Variants in BARD1 observed in about 807,000 individuals in gnomAD.
BARD1 encodes BRCA1-associated RING domain protein 1.
BARD1 carries 73 observed loss-of-function variants against 77.0 expected under a neutral mutation model. That is an observed-to-expected ratio of 0.95 (90% confidence interval 0.79 to 1.15). The LOEUF (loss-of-function observed/expected upper bound fraction) is 1.15, where lower values mean the gene tolerates loss of function less well. Among genes scored for constraint, BARD1 ranks in the 50% most tolerant of loss-of-function variants. BARD1 has a pLI of 0.00. For missense variants in BARD1, 993 were observed against 938.8 expected, an observed-to-expected ratio of 1.06 and a Z score of -0.75; for synonymous variants, 384 against 338.0, an observed-to-expected ratio of 1.14 and a Z score of -1.49.
chr2:214,788,205 C>A (rs1383742193), intron 3 of BARD1, among the ~76,000 whole-genome samples: 2 of 151,382 alleles, frequency 1.3e-5, no homozygotes, highest in Non-Finnish European at 2.9e-5. Flanking sequence ...TTAATGTCAC[C>A]AACACCGACA....
chr2:214,751,199 C>T (rs1693435340), intron 7 of BARD1, among the ~76,000 whole-genome samples: 1 of 104,304 alleles, frequency 9.6e-6, no homozygotes, highest in Non-Finnish European at 1.9e-5. Flanking sequence ...GTTCTGTTAC[C>T]CAGGATGGAA....
In BARD1 at chr2:214,769,293, TCAA is replaced by T. The variant is rs1553619748; in HGVS notation, c.1331_1333del (p.Val444del). ...ATCACTTCCATTTTGTAAAAGGTAT[TCAA>T]CAGAAGGTATGTCGCCCTAGAAAAA... On this transcript the variant is annotated inframe_deletion, in exon 5 of 11. Transcript: ENST00000260947. The T allele has an allele frequency of 6.2e-7, 1 of 1,613,468 alleles. No individual in the cohort carries two copies. Among genetic ancestry groups the T allele is most frequent in the Non-Finnish European group, 8.5e-7 (1 of 1,179,416 alleles).
At chr2:214,742,647 G>C (rs745320971) in intron 9 of BARD1, among the ~76,000 whole-genome samples, 1 of 152,068 alleles carries the variant, frequency 6.6e-6, no homozygotes, top group Non-Finnish European at 1.5e-5. Flanking sequence ...GTCCATCAGT[G>C]GTTCTATAAA....
chr2:214,779,398 A>AT (rs58401748), intron 4 of BARD1, among the ~76,000 whole-genome samples: 181 of 152,244 alleles, frequency 1.2e-3, no homozygotes, highest in African/African-American at 4.3e-3. Flanking sequence ...TTTAATTTGC[A>AT]TTTTTTTATT....
At chr2:214,803,250 A>T (rs892949868) in intron 1 of BARD1, among the ~76,000 whole-genome samples, 2 of 151,942 alleles carry the variant, frequency 1.3e-5, no homozygotes, top group African/African-American at 4.8e-5. Flanking sequence ...GATAGTCTGA[A>T]ATATGGCCTT....
chr2:214,790,983 C>T (rs998364655), intron 3 of BARD1, among the ~76,000 whole-genome samples: 1 of 152,140 alleles, frequency 6.6e-6, no homozygotes, highest in Admixed American at 6.6e-5. Context: ...AGAAAATAAA[C>T]ATTGTCAGTA....
intron 7 of BARD1, 85 bp from the exon 8 acceptor site, chr2:214,745,939 T>C (rs1470030752): frequency 5.6e-6 from 8 of 1,427,126 alleles, no homozygotes; most frequent in East Asian, 2.3e-5. Context: ...TGATATAAGC[T>C]TGAATTTCAT....
At chr2:214,741,471 T>G (rs1169696558) in intron 9 of BARD1, among the ~76,000 whole-genome samples, 3 of 152,184 alleles carry the variant, frequency 2.0e-5, no homozygotes, top group Non-Finnish European at 4.4e-5. Context: ...CAGTTTCATC[T>G]TATTCATACT....
At chr2:214,751,146 TA>T (rs1559393292) in intron 7 of BARD1, among the ~76,000 whole-genome samples, 14 of 42,858 alleles carry the variant, frequency 3.3e-4, no homozygotes, top group African/African-American at 7.0e-4. Flanking sequence ...TATATATATA[TA>T]TATATTTTTT....
chr2:214,786,923 G>C (rs1037744615), intron 3 of BARD1, among the ~76,000 whole-genome samples: 3 of 151,916 alleles, frequency 2.0e-5, no homozygotes, highest in African/African-American at 7.2e-5. Flanking sequence ...GTGGTAAGTA[G>C]ATTTCAAAAC....
chr2:214,737,027 G>C (rs1039763039), intron 9 of BARD1, among the ~76,000 whole-genome samples: 1 of 152,050 alleles, frequency 6.6e-6, no homozygotes, highest in African/African-American at 2.4e-5. Context: ...TTGAAGGGTG[G>C]CAAAGTGTTT....
At chr2:214,785,893 A>T (rs1186856440) in intron 3 of BARD1, among the ~76,000 whole-genome samples, 1 of 151,958 alleles carries the variant, frequency 6.6e-6, no homozygotes, top group Non-Finnish European at 1.5e-5. Flanking sequence ...TTCTTACAAT[A>T]TGTTTTGTTA....
At chr2:214,800,018 A>C (rs182070288) in intron 1 of BARD1, among the ~76,000 whole-genome samples, 111 of 151,948 alleles carry the variant, frequency 7.3e-4, no homozygotes, top group African/African-American at 2.5e-3. Flanking sequence ...TGCTTTTCCT[A>C]CCTCTCCATG....
chr2:214,792,211 G>A (rs1176193659), intron 3 of BARD1, 86 bp downstream of exon 3: 3 of 1,251,214 alleles, frequency 2.4e-6, no homozygotes, highest in Non-Finnish European at 3.3e-6. Flanking sequence ...CAGAACTCCA[G>A]ATAGATGTTT....
At position 214,809,349 on chromosome 2, in the gene BARD1, G is replaced by A. The variant is rs996871701; in HGVS notation, c.158+63C>T. 27 of 1,597,306 alleles carry A rather than the reference G, an allele frequency of 1.7e-5. No individual in the cohort carries two copies. In the African/African-American group the frequency reaches 3.6e-4, roughly 21 times the overall value. ...GAAACGGAAGATTTGAAAAGATTCTGCCGCCCCCAGAAACTGTGCGACCCG... is the reference window on the plus strand; with the variant it reads ...GAAACGGAAGATTTGAAAAGATTCTACCGCCCCCAGAAACTGTGCGACCCG... On this transcript the variant is annotated intron_variant, in intron 1 of 10. Transcript: ENST00000260947.
At chr2:214,751,141 ATATATATATATTTTTTT>A (rs1693419168) in intron 7 of BARD1, among the ~76,000 whole-genome samples, 1 of 19,498 alleles carries the variant, frequency 5.1e-5, no homozygotes, top group Non-Finnish European at 1.3e-4. Context: ...ATATATATAT[ATATATATATATTTTTTT>A]TTTTTTTTTT....
rs1553612227 is a variant in BARD1 at position 214,728,984 on chromosome 2, A to T, written c.2026T>A (p.Tyr676Asn). ...QLLPKLFDGC[Y>N]FYLWGTFKHH... is the part of the protein sequence containing the mutation. ...TTGAAGGTTCCCCACAAATAGAAGT[A>T]GCATCCATCAAACAGCTTTGGCAAC... Residue 676 changes from tyrosine to asparagine, a missense_variant, in exon 11 of 11, where the codon TAC (tyrosine) becomes AAC (asparagine). By Grantham distance (143) the Tyr-to-Asn change is moderately radical. Transcript: ENST00000260947. The T allele has an allele frequency of 1.2e-6, 2 of 1,614,180 alleles. No individual in the cohort carries two copies. The highest frequency in any genetic ancestry group is 2.2e-5 in the South Asian group (2 of 91,082).
At chr2:214,754,744 C>T (rs140402840) in intron 6 of BARD1, among the ~76,000 whole-genome samples, 105 of 152,206 alleles carry the variant, frequency 6.9e-4, no homozygotes, top group Non-Finnish European at 1.4e-3. Context: ...TTATGGATGG[C>T]TTCTGCTCAC....
rs7603813 is a variant in BARD1 at position 214,753,605 on chromosome 2, T to C, written c.1569-1050A>G. Among the ~76,000 whole-genome samples, 642 of 152,160 alleles carry C rather than the reference T, an allele frequency of 4.2e-3. 1 individual carries two copies. Among genetic ancestry groups the C allele is most frequent in the African/African-American group, 0.014 (592 of 41,522 alleles). On this transcript the variant is annotated intron_variant, in intron 6 of 10. Coordinates refer to ENST00000260947, the MANE Select transcript of BARD1 (RefSeq NM_000465.4). ...TCTGGAAGGAAACAGAGAGAAACAT[T>C]AGGGGAAGTGAAAGGTAGAAAAATG...
Sources: gnomAD v4.1 joint callset for allele counts (sites outside exome capture counted in the v4.1 genomes callset) on GRCh38, gnomAD v4.1.1 for gene constraint, MANE v1.5 for transcripts, NCBI Gene and HGNC (gene_info 2026-07-23, HGNC 2026-07-21) for gene names.